Variants in OXNAD1 observed in about 807,000 individuals in gnomAD.
OXNAD1 encodes oxidoreductase NAD-binding domain-containing protein 1.
OXNAD1 carries 34 observed loss-of-function variants against 32.9 expected under a neutral mutation model. That is an observed-to-expected ratio of 1.03 (90% CI 0.79 to 1.38). The LOEUF is 1.38. Among genes scored for constraint, OXNAD1 ranks in the 40% most tolerant of loss-of-function variants. The pLI, the probability that OXNAD1 is intolerant of heterozygous loss-of-function variation, is 0.00. For synonymous variants in OXNAD1, 134 were observed against 135.2 expected (o/e 0.99, Z 0.06); for missense variants, 407 against 379.4 (o/e 1.07, Z -0.60).
intron 9 of OXNAD1, among the ~76,000 whole-genome samples, chr3:16,315,240 C>G (rs994405794): frequency 6.6e-6 from 1 of 152,236 alleles, no homozygotes; most frequent in East Asian, 1.9e-4. Context: ...CTCAGCCTCC[C>G]GAGTAGCTGA....
At chr3:16,276,682 G>C (rs976646527) in intron 4 of OXNAD1, 1 of 152,290 alleles carries the variant, frequency 6.6e-6, no homozygotes, top group African/African-American at 2.4e-5. Flanking sequence ...GGGAGACCCG[G>C]GGCCAGCAAA....
Position 16,268,412 on chromosome 3 carries a change from C to T in OXNAD1, c.-158-714C>T, listed in dbSNP as rs1457881339. Among the ~76,000 whole-genome samples the T allele has an allele frequency of 5.4e-5, 8 of 147,496 alleles. No homozygotes were observed. The East Asian group carries it at 1.4e-3, about 26-fold the overall frequency. On this transcript the variant is annotated intron_variant, in intron 1 of 8. Coordinates refer to ENST00000285083, the MANE Select transcript of OXNAD1 (RefSeq NM_138381.5). ...TGGCATGATCTTGGCCCACTGCAAC[C>T]TCCGCCTCCCAGGTTCAAGCGATTC...
intron 5 of OXNAD1, among the ~76,000 whole-genome samples, chr3:16,292,261 G>T (rs1253692731): frequency 6.7e-6 from 1 of 149,234 alleles, no homozygotes; most frequent in African/African-American, 2.5e-5. Context: ...GCACGATCTC[G>T]ATTCAGTGCT....
chr3:16,336,547 C>T lies in OXNAD1; in HGVS notation c.*31-565C>T, dbSNP rs1056371773. Among the ~76,000 whole-genome samples, 1 of 152,180 alleles carries T rather than the reference C, an allele frequency of 6.6e-6. No individual in the cohort carries two copies. Among genetic ancestry groups the T allele is most frequent in the African/African-American group, 2.4e-5 (1 of 41,446 alleles). On this transcript the variant is annotated intron_variant, in intron 9 of 9. Transcript: ENST00000435829. This position sits in a 1 kb window ranked among gnomAD's most constrained non-coding sequence, Gnocchi z 6.0. ...ATGTTGTTTTCTCCTTTGTTTTATG[C>T]ACAATGCCCCAGAAAAACATTTTGC...
rs142954303 is a variant in OXNAD1, at chr3:16,321,430, G to A, written c.*31-15682G>A. ...GGGAGTGGGGGTGGTCCCAACATCC[G>A]GGCTGCAAGAGCTCAGGCATGATGA... is the stretch of plus-strand genomic sequence containing the variant. On this transcript the variant is annotated intron_variant, in intron 9 of 9. Transcript: ENST00000435829. This position sits in a 1 kb window ranked among gnomAD's most constrained non-coding sequence, Gnocchi z 4.8. Among the ~76,000 whole-genome samples the A allele has an allele frequency of 9.9e-5, 15 of 152,258 alleles. No homozygotes were observed. The highest frequency in any genetic ancestry group is 3.1e-4 in the African/African-American group (13 of 41,546).
At position 16,286,312 on chromosome 3, in the gene OXNAD1, C is replaced by T. The variant is rs191378832; in HGVS notation, c.184-30C>T. 2.5e-5 allele frequency: 39 copies of T among 1,553,490 alleles called. No individual in the cohort carries two copies. In the East Asian group the frequency reaches 8.3e-4, roughly 33 times the overall value. ...GTCCCTTGTGCTGTGTACGCACTAA[C>T]CTCAGCCACAGTTCATCTTTTGGTT... On this transcript the variant is annotated intron_variant, in intron 4 of 8. Coordinates refer to ENST00000285083, the MANE Select transcript of OXNAD1 (RefSeq NM_138381.5).
chr3:16,301,594 A>G lies in OXNAD1; in HGVS notation c.433-32A>G. ...ATTTGGTTTAAGACCTTTGCTACAAAAGACTAAAAGGTCTTTTCTTTCCTG... is the reference window on the plus strand; with the variant it reads ...ATTTGGTTTAAGACCTTTGCTACAAGAGACTAAAAGGTCTTTTCTTTCCTG... On this transcript the variant is annotated intron_variant, in intron 6 of 8. Coordinates refer to ENST00000285083, the MANE Select transcript of OXNAD1 (RefSeq NM_138381.5). This position sits in a 1 kb window ranked among gnomAD's most constrained non-coding sequence, Gnocchi z 4.1. The G allele has an allele frequency of 1.9e-6, 3 of 1,611,416 alleles. No homozygotes were observed. Among genetic ancestry groups the G allele is most frequent in the Non-Finnish European group, 2.5e-6 (3 of 1,178,416 alleles).
At position 16,288,539 on chromosome 3, in the gene OXNAD1, T is replaced by G. The variant is rs1170637018; in HGVS notation, c.290+2091T>G. ...GATCCCCATGTAGACACCTTCAGCA[T>G]AGATCAGATATAGGCCTCAAGGGGC... On this transcript the variant is annotated intron_variant, in intron 5 of 8. Coordinates refer to ENST00000285083, the MANE Select transcript of OXNAD1 (RefSeq NM_138381.5). This position sits in a 1 kb window ranked among gnomAD's most constrained non-coding sequence, Gnocchi z 5.1. 6.6e-6 allele frequency among the ~76,000 whole-genome samples: 1 copy of G among 152,196 alleles called. No homozygotes were observed. The highest frequency in any genetic ancestry group is 6.5e-5 in the Admixed American group (1 of 15,282).
At chr3:16,323,984 C>T (rs920750222) in intron 9 of OXNAD1, among the ~76,000 whole-genome samples, 2 of 152,200 alleles carry the variant, frequency 1.3e-5, no homozygotes, top group African/African-American at 4.8e-5. Context: ...TTAACCAGCT[C>T]TGGCTCACAT....
chr3:16,288,651 A>G lies in OXNAD1; in HGVS notation c.290+2203A>G, dbSNP rs2066231303. Among the ~76,000 whole-genome samples, 2 of 152,170 alleles carry G rather than the reference A, an allele frequency of 1.3e-5. No homozygotes were observed. The highest frequency in any genetic ancestry group is 1.3e-4 in the Admixed American group (2 of 15,280). The stretch of plus-strand genomic sequence containing the variant: ...TAAACCAGTTCCAAGAACTGTAGCA[A>G]TCCAATCCCGAGAGAAAGGCCAAAG... On this transcript the variant is annotated intron_variant, in intron 5 of 8. Coordinates refer to ENST00000285083, the MANE Select transcript of OXNAD1 (RefSeq NM_138381.5). The surrounding 1 kb of genome is among the most constrained non-coding windows in gnomAD (Gnocchi z 5.1).
At chr3:16,331,514 T>C (rs2070309268) in intron 9 of OXNAD1, among the ~76,000 whole-genome samples, 1 of 152,246 alleles carries the variant, frequency 6.6e-6, no homozygotes, top group East Asian at 1.9e-4. Context: ...CCCTCTGTTT[T>C]TCCTGGAGTT....
chr3:16,316,845 T>C lies in OXNAD1; in HGVS notation c.*30+13253T>C. On this transcript the variant is annotated intron_variant, in intron 9 of 9. Transcript: ENST00000435829. This position sits in a 1 kb window ranked among gnomAD's most constrained non-coding sequence, Gnocchi z 4.5. ...CCCAAGACTCAGTTTTCTTCAACCG[T>C]ACCAAGCTCTCTGACTTCCTCAGCA... The C allele has an allele frequency of 5.6e-6, 9 of 1,614,088 alleles. No individual in the cohort carries two copies. The highest frequency in any genetic ancestry group is 5.9e-6 in the Non-Finnish European group (7 of 1,180,018).
At chr3:16,347,941 T>C (rs1260223010) in intron 9 of OXNAD1, 1 of 152,146 alleles carries the variant, frequency 6.6e-6, no homozygotes, top group Middle Eastern at 3.2e-3. Flanking sequence ...GGAGAAGTCG[T>C]ACAACAGAGT....
intron 6 of OXNAD1, among the ~76,000 whole-genome samples, chr3:16,296,972 C>CA (rs1032394876): frequency 1.6e-4 from 24 of 151,296 alleles, no homozygotes; most frequent in Middle Eastern, 3.4e-3. Context: ...CAAGATCCAT[C>CA]AAAAAAAAGG....
chr3:16,342,359 A>G (rs1033935025), downstream of OXNAD1, among the ~76,000 whole-genome samples: 1 of 152,240 alleles, frequency 6.6e-6, no homozygotes, highest in East Asian at 1.9e-4. The surrounding 1 kb of genome is among the most constrained non-coding windows in gnomAD (Gnocchi z 4.0). Context: ...CATGTAGCAT[A>G]TATCAGTAGT....
rs1243208899 is a variant in OXNAD1, at chr3:16,327,587, G to A, written c.*31-9525G>A. 1.3e-5 allele frequency among the ~76,000 whole-genome samples: 2 copies of A among 151,874 alleles called. No homozygotes were observed. Among genetic ancestry groups the A allele is most frequent in the South Asian group, 2.1e-4 (1 of 4,816 alleles). The stretch of plus-strand genomic sequence containing the variant: ...ATCCTGGCTAACACAGTGAAACCCC[G>A]TCTCTACTAAAAATACAAAAAAAAT... On this transcript the variant is annotated intron_variant, in intron 9 of 9. Transcript: ENST00000435829. The surrounding 1 kb of genome is among the most constrained non-coding windows in gnomAD (Gnocchi z 4.2).
chr3:16,307,965 A>AAGAGT (rs1418386321), downstream of OXNAD1, among the ~76,000 whole-genome samples: 1 of 152,146 alleles, frequency 6.6e-6, no homozygotes, highest in Non-Finnish European at 1.5e-5. Context: ...AAAACCATGG[A>AAGAGT]AGAGTAATTC....
Position 16,281,734 on chromosome 3 carries a change from T to C in OXNAD1, c.184-4608T>C, listed in dbSNP as rs578076586. On this transcript the variant is annotated intron_variant, in intron 4 of 8. Transcript: ENST00000285083. ...AGCCTAGCACTTGATCGTGACGCAT[T>C]CTCAGGTGTCTCAGCTGAAATTCTT... Among the ~76,000 whole-genome samples the C allele has an allele frequency of 7.2e-5, 11 of 152,310 alleles. 1 individual carries two copies. In the South Asian group the frequency reaches 2.3e-3, roughly 32 times the overall value.
chr3:16,294,487 G>A (rs752247732), intron 5 of OXNAD1, among the ~76,000 whole-genome samples: 1 of 152,208 alleles, frequency 6.6e-6, no homozygotes, highest in Non-Finnish European at 1.5e-5. Flanking sequence ...GGGATTACAG[G>A]CGTGAGCCAC....
Sources: allele counts gnomAD v4.1 joint callset (sites outside exome capture counted in the v4.1 genomes callset), GRCh38; gene constraint gnomAD v4.1.1; non-coding constraint Gnocchi (gnomAD v3.1); transcripts MANE v1.5; gene names NCBI Gene and HGNC (gene_info 2026-07-23, HGNC 2026-07-21).